ZNF487: variants seen among roughly 807,000 people sequenced by gnomAD.
ZNF487 encodes the protein KRAB domain only 1.
A neutral mutation model predicts 3.0 loss-of-function variants in ZNF487; 4 were observed. The observed-to-expected ratio is 1.35, with a 90% CI of 0.66 to 3.08. The LOEUF is 3.08. Among genes scored for constraint, ZNF487 ranks in the 30% most tolerant of loss-of-function variants. ZNF487 has a pLI of 0.01. For synonymous variants in ZNF487, 55 were observed against 34.6 expected, an observed-to-expected ratio of 1.59 and a Z score of -2.06; for missense variants, 146 against 98.7, an observed-to-expected ratio of 1.48 and a Z score of -2.03.
At chr10:43,477,080 C>G (rs1841125385) in intron 3 of ZNF487, among the ~76,000 whole-genome samples, 1 of 151,670 alleles carries the variant, frequency 6.6e-6, no homozygotes, top group South Asian at 2.1e-4. Context: ...GTAATGATGC[C>G]CAGTTGGATA....
chr10:43,498,095 ATATATTTTTTTTTTTTTTCTT>A, the ZNF487 span, among the ~76,000 whole-genome samples: 201 of 12,598 alleles, frequency 0.016, 4 homozygotes, highest in Non-Finnish European at 0.02. Flanking sequence ...ATATATATAT[ATATATTTTTTTTTTTTTTCTT>A]TTTTTTTTTT....
chr10:43,460,047 C>G (rs1332270027), intron 1 of ZNF487, among the ~76,000 whole-genome samples: 2 of 151,930 alleles, frequency 1.3e-5, no homozygotes, highest in South Asian at 4.2e-4. Context: ...CATGATCTGC[C>G]CGCCTTGGCC....
intron 3 of ZNF487, among the ~76,000 whole-genome samples, chr10:43,479,845 C>T (rs73255836): frequency 0.033 from 4,959 of 151,998 alleles, 270 homozygotes; most frequent in African/African-American, 0.11. Context: ...TTACTAGAGA[C>T]GGGGTTTGCC....
At chr10:43,472,688 GCCT>G (rs1288794446) in intron 1 of ZNF487, among the ~76,000 whole-genome samples, 25 of 152,060 alleles carry the variant, frequency 1.6e-4, no homozygotes, top group Admixed American at 1.5e-3. Flanking sequence ...TTCCTTCTCA[GCCT>G]CTTGATCACT....
At chr10:43,496,851 T>C in the ZNF487 span, among the ~76,000 whole-genome samples, 4 of 151,968 alleles carry the variant, frequency 2.6e-5, no homozygotes, top group Non-Finnish European at 5.9e-5. Context: ...AGACTTTTAT[T>C]TTAGGTTCAG....
the ZNF487 span, among the ~76,000 whole-genome samples, chr10:43,519,752 A>G: frequency 6.6e-6 from 1 of 152,196 alleles, no homozygotes; most frequent in Non-Finnish European, 1.5e-5. Context: ...AGCGTGAGCC[A>G]CTGTGCCTGG....
intron 1 of ZNF487, among the ~76,000 whole-genome samples, chr10:43,456,359 GGCTGAGGAAGA>G (rs1388033554): frequency 6.6e-6 from 1 of 152,172 alleles, no homozygotes; most frequent in African/African-American, 2.4e-5. Context: ...CGGAAGACGA[GGCTGAGGAAGA>G]GCACGGCCCA....
the ZNF487 span, among the ~76,000 whole-genome samples, chr10:43,511,160 C>G: frequency 2.6e-5 from 4 of 152,182 alleles, no homozygotes; most frequent in African/African-American, 7.2e-5. Context: ...ACACAGCCTT[C>G]TGGAGAACTT....
At chr10:43,493,571 G>C in the ZNF487 span, among the ~76,000 whole-genome samples, 1 of 151,000 alleles carries the variant, frequency 6.6e-6, no homozygotes, top group African/African-American at 2.4e-5. Context: ...CATGCTCGTA[G>C]TCCCAGCTAC....
At position 43,478,061 on chromosome 10, in the gene ZNF487, A is replaced by G. The variant is rs528904348; in HGVS notation, c.130+1859A>G. ...CAATCCAGATATTTTAGAAATCATAATACAGTTAAAGGGGCTAAACCATCT... is the reference window on the plus strand; with the variant it reads ...CAATCCAGATATTTTAGAAATCATAGTACAGTTAAAGGGGCTAAACCATCT... On this transcript the variant is annotated intron_variant, in intron 3 of 3. Coordinates refer to ENST00000437590, the MANE Select transcript of ZNF487 (RefSeq NM_001355444.3). 3.9e-5 allele frequency among the ~76,000 whole-genome samples: 6 copies of G among 152,296 alleles called. No homozygotes were observed. In the South Asian group the frequency reaches 1.2e-3, roughly 32 times the overall value.
chr10:43,476,606 G>C (rs527352717), intron 3 of ZNF487, among the ~76,000 whole-genome samples: 40 of 152,314 alleles, frequency 2.6e-4, no homozygotes, highest in African/African-American at 9.4e-4. Flanking sequence ...GCTGTGTTAT[G>C]TTGGTAGAAG....
downstream of ZNF487, among the ~76,000 whole-genome samples, chr10:43,487,056 C>T (rs1276022199): frequency 6.6e-6 from 1 of 152,040 alleles, no homozygotes; most frequent in Admixed American, 6.6e-5. Context: ...AGATTAAGTG[C>T]CATGCCTATT....
At chr10:43,441,077 C>T (rs971781765) in intron 1 of ZNF487, among the ~76,000 whole-genome samples, 6 of 79,416 alleles carry the variant, frequency 7.6e-5, no homozygotes, top group African/African-American at 3.4e-4. Flanking sequence ...TTGGTGGAGA[C>T]AGGGTCTCCC....
the ZNF487 span, among the ~76,000 whole-genome samples, chr10:43,507,357 C>A: frequency 0.13 from 19,222 of 152,184 alleles, 2,619 homozygotes; most frequent in African/African-American, 0.34. Context: ...AAGAAGACCA[C>A]TACTCCAGGG....
chr10:43,518,324 G>T, the ZNF487 span, among the ~76,000 whole-genome samples: 1 of 152,098 alleles, frequency 6.6e-6, no homozygotes, highest in Non-Finnish European at 1.5e-5. Context: ...GGAGTTCTCT[G>T]ATTTAAGTTA....
Position 43,474,909 on chromosome 10 carries a change from A to T in ZNF487, c.-93-812A>T, listed in dbSNP as rs566151015. Among the ~76,000 whole-genome samples, 10 of 151,930 alleles carry T rather than the reference A, an allele frequency of 6.6e-5. No individual in the cohort carries two copies. The South Asian group carries it at 8.3e-4, about 13-fold the overall frequency. On this transcript the variant is annotated intron_variant, in intron 1 of 3. Coordinates refer to ENST00000437590, the MANE Select transcript of ZNF487 (RefSeq NM_001355444.3). ...AGGTTTTTTTTTTAATCAATTTTTTAAAAAATATCAATTCTACTAAAAGAC... is the reference window on the plus strand; with the variant it reads ...AGGTTTTTTTTTTAATCAATTTTTTTAAAAATATCAATTCTACTAAAAGAC...
intron 1 of ZNF487, among the ~76,000 whole-genome samples, chr10:43,447,427 A>AGACG (rs1839853882): frequency 6.6e-6 from 1 of 152,008 alleles, no homozygotes; most frequent in Non-Finnish European, 1.5e-5. Context: ...TTTTTAGTAA[A>AGACG]GACGGGGTTT....
intron 3 of ZNF487, among the ~76,000 whole-genome samples, chr10:43,480,084 C>CCTTCTTTCTTTTCT (rs1554800853): frequency 7.2e-6 from 1 of 139,720 alleles, no homozygotes; most frequent in Non-Finnish European, 1.5e-5. Context: ...TTCCTTCCTT[C>CCTTCTTTCTTTTCT]TTTCTTTTCT....
chr10:43,455,027 T>G (rs1564416646), intron 1 of ZNF487, among the ~76,000 whole-genome samples: 1 of 150,276 alleles, frequency 6.7e-6, no homozygotes, highest in African/African-American at 2.4e-5. Flanking sequence ...TTTTTTTTTT[T>G]GGAGACAGTC....
Sources: gnomAD v4.1 joint callset for allele counts (sites outside exome capture counted in the v4.1 genomes callset) on GRCh38, gnomAD v4.1.1 for gene constraint, MANE v1.5 for transcripts, NCBI Gene and HGNC (gene_info 2026-07-23, HGNC 2026-07-21) for gene names.